Variants in TCERG1L observed in about 807,000 individuals in gnomAD.
The protein encoded by TCERG1L is transcription elongation regulator 1-like protein.
TCERG1L carries 37 observed loss-of-function variants against 56.3 expected under a neutral mutation model. The ratio of observed to expected loss-of-function variants is 0.66; its 90% confidence interval spans 0.51 to 0.87. The LOEUF is 0.87. Among genes scored for constraint, TCERG1L ranks in the 40% least tolerant of loss-of-function variants. The pLI is 0.00. For missense variants in TCERG1L, 799 were observed against 774.2 expected (o/e 1.03, Z -0.38); for synonymous variants, 324 against 326.3 (o/e 0.99, Z 0.08).
intron 4 of TCERG1L, among the ~76,000 whole-genome samples, chr10:131,199,560 A>T (rs201205252): frequency 1.3e-5 from 2 of 151,506 alleles, no homozygotes; most frequent in African/African-American, 4.9e-5. Context: ...AAGAAAATAA[A>T]CTTTTTATCT....
rs568539108 is a variant in TCERG1L, at chr10:131,127,977, T to G, written c.1259+6402A>C. 2.6e-5 allele frequency among the ~76,000 whole-genome samples: 4 copies of G among 152,186 alleles called. No individual in the cohort carries two copies. In the South Asian group the frequency reaches 6.2e-4, roughly 24 times the overall value. ...CAGGGAAGCATACCCAGACATTGAA[T>G]GACAATTCAGCTGACTATTCAAAAA... On this transcript the variant is annotated intron_variant, in intron 8 of 11. Coordinates refer to ENST00000368642, the MANE Select transcript of TCERG1L (RefSeq NM_174937.4).
intron 2 of TCERG1L, 58 bp downstream of exon 2, chr10:131,309,095 T>G: frequency 1.3e-6 from 2 of 1,562,192 alleles, no homozygotes. Flanking sequence ...GTTATGTCGA[T>G]GTTCGACAAC....
intron 9 of TCERG1L, among the ~76,000 whole-genome samples, chr10:131,107,221 C>T (rs547793000): frequency 3.3e-5 from 5 of 152,282 alleles, no homozygotes; most frequent in South Asian, 2.1e-4. Context: ...ACCCACCTCA[C>T]GGGGACCTGT....
chr10:131,291,401 C>CTTTTTTTTTTTTTTTTTTTTTTTT lies in TCERG1L; in HGVS notation c.670+16786_670+16809dup, dbSNP rs71009957. Among the ~76,000 whole-genome samples the CTTTTTTTTTTTTTTTTTTTTTTTT allele has an allele frequency of 2.5e-4, 9 of 36,596 alleles. 4 individuals are homozygous for CTTTTTTTTTTTTTTTTTTTTTTTT. The highest frequency in any genetic ancestry group is 3.6e-4 in the Non-Finnish European group (7 of 19,568). 24.0% of individuals were successfully genotyped at this position (36,596 alleles called of 152,430 possible). A position where few individuals can be genotyped will look rare whatever the true frequency, so the allele number is the denominator to read the frequency against. On this transcript the variant is annotated intron_variant, in intron 3 of 11. Transcript: ENST00000368642. ...TGTGTATATTCCATAAACAGCATTT[C>CTTTTTTTTTTTTTTTTTTTTTTTT]TTTTTTTTTTTTTTTTTTTTTTTTT...
chr10:131,166,723 G>T, intron 5 of TCERG1L, 74 bp downstream of exon 5: 1 of 1,415,924 alleles, frequency 7.1e-7, no homozygotes, highest in East Asian at 2.3e-5. Context: ...AAACAAGCGT[G>T]AGGGTGTCCT....
Position 131,217,882 on chromosome 10 carries a change from C to T in TCERG1L, c.856+42377G>A, listed in dbSNP as rs557257560. The stretch of plus-strand genomic sequence containing the variant: ...GACTACATGCGCCCGCCACCACGCC[C>T]GGCTAATTTTTTTTTGTATTTTTAG... On this transcript the variant is annotated intron_variant, in intron 4 of 11. Transcript: ENST00000368642. Among the ~76,000 whole-genome samples, 71 of 152,100 alleles carry T rather than the reference C, an allele frequency of 4.7e-4. 1 individual carries two copies. Among genetic ancestry groups the T allele is most frequent in the African/African-American group, 1.6e-3 (66 of 41,508 alleles).
rs1299784011 is a variant in TCERG1L at position 131,116,921 on chromosome 10, C to T, written c.1273G>A (p.Gly425Arg). The change falls in exon 9 of 12, where the codon GGG becomes AGG. Residue 425 changes from glycine (G) to arginine (R), a missense_variant. By Grantham distance (125) the Gly-to-Arg change is moderately radical. Transcript: ENST00000368642. ...TTTGCCTCCTCTGGCTTGGGACTCCCGCAGCCTTCGGTCCTTCAGGAACAC... is the reference window on the plus strand; with the variant it reads ...TTTGCCTCCTCTGGCTTGGGACTCCTGCAGCCTTCGGTCCTTCAGGAACAC... ...KTKRNRTEGC[G>R]SPKPEEAKRE... 1.0e-5 allele frequency: 16 copies of T among 1,607,956 alleles called. No individual in the cohort carries two copies. The highest frequency in any genetic ancestry group is 6.7e-5 in the East Asian group (3 of 44,656).
chr10:131,110,717 T>C (rs2133386063), intron 9 of TCERG1L, among the ~76,000 whole-genome samples: 1 of 152,340 alleles, frequency 6.6e-6, no homozygotes, highest in South Asian at 2.1e-4. Flanking sequence ...CAGTCCCGGC[T>C]TCACCAAAAG....
At chr10:131,238,650 T>C (rs551654717) in intron 4 of TCERG1L, among the ~76,000 whole-genome samples, 40 of 152,290 alleles carry the variant, frequency 2.6e-4, no homozygotes, top group African/African-American at 8.4e-4. Context: ...CTTTGTGAAA[T>C]AGGAAGTCGC....
At chr10:131,224,732 G>A (rs984315921) in intron 4 of TCERG1L, among the ~76,000 whole-genome samples, 4 of 152,106 alleles carry the variant, frequency 2.6e-5, no homozygotes, top group Admixed American at 2.6e-4. Context: ...GCAGGCTCCT[G>A]TGGCCCCTCG....
At chr10:131,227,877 A>C (rs1304907754) in intron 4 of TCERG1L, among the ~76,000 whole-genome samples, 2 of 152,104 alleles carry the variant, frequency 1.3e-5, no homozygotes, top group African/African-American at 4.8e-5. Context: ...CCTGAGCGCA[A>C]CTATCTTCCG....
At chr10:131,307,146 T>C (rs1372098640) in intron 3 of TCERG1L, among the ~76,000 whole-genome samples, 1 of 152,202 alleles carries the variant, frequency 6.6e-6, no homozygotes, top group East Asian at 1.9e-4. Context: ...ATAGGAAACA[T>C]GATCATCTTA....
intron 6 of TCERG1L, among the ~76,000 whole-genome samples, chr10:131,150,536 C>A (rs1267744076): frequency 6.6e-6 from 1 of 152,210 alleles, no homozygotes; most frequent in African/African-American, 2.4e-5. Context: ...CTTGGTAACT[C>A]GCCAGCTTTC....
At chr10:131,305,211 C>T (rs962962313) in intron 3 of TCERG1L, among the ~76,000 whole-genome samples, 2 of 152,034 alleles carry the variant, frequency 1.3e-5, no homozygotes, top group African/African-American at 2.4e-5. Context: ...CATGAGGAGG[C>T]TAGCCCTTTG....
At chr10:131,242,986 AAAG>A in intron 4 of TCERG1L, among the ~76,000 whole-genome samples, 2 of 152,344 alleles carry the variant, frequency 1.3e-5, no homozygotes, top group East Asian at 1.9e-4. Context: ...GTGTTATAAA[AAAG>A]AAGGTCACCA....
chr10:131,141,886 T>C (rs1227606508), intron 7 of TCERG1L, among the ~76,000 whole-genome samples: 1 of 152,086 alleles, frequency 6.6e-6, no homozygotes, highest in Non-Finnish European at 1.5e-5. Flanking sequence ...GGGGTGAGTG[T>C]GATCAGAGTG....
chr10:131,286,439 T>C (rs1011485294), intron 3 of TCERG1L, among the ~76,000 whole-genome samples: 1 of 152,236 alleles, frequency 6.6e-6, no homozygotes, highest in Non-Finnish European at 1.5e-5. Flanking sequence ...CCGTATTGTG[T>C]AAGGTAATGC....
In TCERG1L at chr10:131,308,395, T is replaced by C; in HGVS notation, c.490-4A>G. The C allele has an allele frequency of 2.5e-6, 4 of 1,611,796 alleles. No homozygotes were observed. The highest frequency in any genetic ancestry group is 2.5e-6 in the Non-Finnish European group (3 of 1,178,814). On this transcript the variant is annotated splice_region_variant and splice_polypyrimidine_tract_variant and intron_variant, in intron 2 of 11. Transcript: ENST00000368642. ...CAAAGGAATTATTAAAAAAGATCTGTCGAAAAATAATGCAAGCATAACACT... is the reference window on the plus strand; with the variant it reads ...CAAAGGAATTATTAAAAAAGATCTGCCGAAAAATAATGCAAGCATAACACT...
chr10:131,185,049 T>C (rs12774671), intron 4 of TCERG1L, among the ~76,000 whole-genome samples: 8,004 of 152,200 alleles, frequency 0.053, 274 homozygotes, highest in Middle Eastern at 0.089. Context: ...TGGGCCATGA[T>C]GATGCCACCA....
Sources: allele counts gnomAD v4.1 joint callset (sites outside exome capture counted in the v4.1 genomes callset), GRCh38; gene constraint gnomAD v4.1.1; transcripts MANE v1.5; gene names NCBI Gene and HGNC (gene_info 2026-07-23, HGNC 2026-07-21).